The following FRMPD3 variants were observed in gnomAD, a reference collection of about 807,000 sequenced individuals.
FRMPD3 encodes FERM and PDZ domain containing 3.
FRMPD3 carries 42 observed loss-of-function variants against 97.9 expected under a neutral mutation model. That is an observed-to-expected ratio of 0.43 (90% confidence interval 0.34 to 0.55). The LOEUF (loss-of-function observed/expected upper bound fraction) is 0.55. Ranked by LOEUF, FRMPD3 falls within the 20% of genes least tolerant of loss-of-function variation. The pLI is 0.03. For missense variants in FRMPD3, 1,303 were observed against 1,457.7 expected, an observed-to-expected ratio of 0.89 and a Z score of 1.73; for synonymous variants, 577 against 581.1, an observed-to-expected ratio of 0.99 and a Z score of 0.10.
chrX:107,461,757 TTATACATATACATATACATATACA>T (rs761470965), intron 1 of FRMPD3, among the ~76,000 whole-genome samples: 65 of 92,003 alleles, frequency 7.1e-4, no homozygotes, highest in African/African-American at 2.3e-3. Flanking sequence ...CTGGAATTCA[TTATACATATACATATACATATACA>T]TATACATATA....
At chrX:107,548,556 G>A (rs925180539) in intron 5 of FRMPD3, among the ~76,000 whole-genome samples, 1 of 112,710 alleles carries the variant, frequency 8.9e-6, no homozygotes, top group African/African-American at 3.2e-5. Flanking sequence ...TTAGTGTTGG[G>A]ACTACAAAGA....
chrX:107,579,644 C>T (rs947227981), intron 13 of FRMPD3, among the ~76,000 whole-genome samples: 3 of 111,350 alleles, frequency 2.7e-5, no homozygotes, highest in Non-Finnish European at 5.7e-5. Flanking sequence ...GTTTGAGGGC[C>T]CAGAAAGGCT....
intron 1 of FRMPD3, among the ~76,000 whole-genome samples, chrX:107,470,082 T>C (rs1337905967): frequency 8.9e-6 from 1 of 112,441 alleles, no homozygotes; most frequent in East Asian, 2.8e-4. Context: ...GGTCTCCTCT[T>C]ATCTGGCAGT....
rs1424412466 is a variant in FRMPD3 at position 107,557,795 on chromosome X, GTCTATATATA to G, written c.763-2460_763-2451del. Reference sequence around the variant, plus strand: ...TTTGTACTTTTGTTAAAAATCTGTTGTCTATATATATATATATATATATATATATATATAT... The same window carrying G: ...TTTGTACTTTTGTTAAAAATCTGTTGTATATATATATATATATATATATAT... On this transcript the variant is annotated intron_variant, in intron 8 of 14. Transcript: ENST00000683843. Among the ~76,000 whole-genome samples the G allele has an allele frequency of 1.2e-3, 32 of 26,606 alleles. 1 individual carries two copies. Among genetic ancestry groups the G allele is most frequent in the African/African-American group, 3.6e-3 (29 of 8,095 alleles). The allele number at this position is 26,606 out of a possible 115,157, so 23.1% of individuals were successfully genotyped here.
intron 1 of FRMPD3, among the ~76,000 whole-genome samples, chrX:107,473,157 C>G (rs1569409946): frequency 1.8e-5 from 2 of 112,407 alleles, no homozygotes; most frequent in Non-Finnish European, 3.8e-5. Flanking sequence ...GTGACTTGCT[C>G]AGGGGCACAT....
At chrX:107,534,277 C>T (rs1016932934) in intron 4 of FRMPD3, among the ~76,000 whole-genome samples, 1 of 111,707 alleles carries the variant, frequency 9.0e-6, no homozygotes, top group African/African-American at 3.3e-5. Context: ...AATGCACAAA[C>T]CCAGGTGCAC....
rs1306511989 is a variant in FRMPD3 at position 107,601,867 on chromosome X, C to T, written c.3828C>T (p.Cys1276=). 27 of 1,207,476 alleles carry T rather than the reference C, an allele frequency of 2.2e-5. No homozygotes were observed. The highest frequency in any genetic ancestry group is 3.0e-5 in the Non-Finnish European group (27 of 894,142). The change falls in exon 15 of 15, where the codon TGC becomes TGT. Residue 1276 remains cysteine, a synonymous_variant. Coordinates refer to ENST00000683843, the MANE Select transcript of FRMPD3 (RefSeq NM_001388459.1). ...EYLQPPAPGR[C]SCQLRSSPVQ... ...TGCAACCTCCAGCACCTGGCCGCTG[C>T]AGCTGCCAGCTCCGCAGCAGCCCTG...
intron 12 of FRMPD3, among the ~76,000 whole-genome samples, chrX:107,574,974 G>A (rs1176339907): frequency 8.9e-6 from 1 of 112,608 alleles, no homozygotes; most frequent in Non-Finnish European, 1.9e-5. Flanking sequence ...GCTGACTTCA[G>A]TCTGACTCAA....
chrX:107,567,366 G>C (rs1207143682), intron 12 of FRMPD3, among the ~76,000 whole-genome samples: 8 of 111,885 alleles, frequency 7.2e-5, no homozygotes, highest in Non-Finnish European at 1.5e-4. Flanking sequence ...CAATGAATGA[G>C]ACCTGTTATT....
At chrX:107,509,267 G>A (rs1480158755) in intron 1 of FRMPD3, among the ~76,000 whole-genome samples, 2 of 112,699 alleles carry the variant, frequency 1.8e-5, no homozygotes, top group African/African-American at 6.5e-5. Flanking sequence ...AATGGGGTAT[G>A]TGAGCTTTAT....
At chrX:107,466,547 A>G (rs1459716891) in intron 1 of FRMPD3, among the ~76,000 whole-genome samples, 1 of 111,902 alleles carries the variant, frequency 8.9e-6, no homozygotes, top group Non-Finnish European at 1.9e-5. Context: ...TCAATTTCCC[A>G]GTCTACTAGT....
chrX:107,597,183 C>A, intron 13 of FRMPD3, 138 bp from the exon 14 acceptor site: 1 of 540,712 alleles, frequency 1.8e-6, no homozygotes, highest in Non-Finnish European at 3.1e-6. Flanking sequence ...TACCTCTAAT[C>A]TTTGGCAGCC....
At chrX:107,559,684 G>A (rs1231216218) in intron 8 of FRMPD3, among the ~76,000 whole-genome samples, 1 of 111,503 alleles carries the variant, frequency 9.0e-6, no homozygotes, top group Non-Finnish European at 1.9e-5. Context: ...CATACCCTTG[G>A]CCAGTAGTTC....
chrX:107,542,684 C>T (rs906870989), intron 4 of FRMPD3, among the ~76,000 whole-genome samples: 20 of 112,538 alleles, frequency 1.8e-4, no homozygotes, highest in African/African-American at 5.5e-4. Context: ...ACGTTTGTTT[C>T]TGATGTGTAT....
At position 107,604,096 on chromosome X, in the gene FRMPD3, C is replaced by G. The variant is rs1044740800; in HGVS notation, c.*723C>G. On this transcript the variant is annotated 3_prime_UTR_variant, in exon 15 of 15. Transcript: ENST00000683843. The stretch of plus-strand genomic sequence containing the variant: ...GGAGCAAGCATCTGGGATCACCCCA[C>G]TCATTTTGGGTAAGGTACCTGATGA... 5 of 109,333 alleles carry G rather than the reference C, an allele frequency of 4.6e-5. No homozygotes were observed. Among genetic ancestry groups the G allele is most frequent in the African/African-American group, 1.7e-4 (5 of 30,006 alleles). The allele number at this position is 109,333 out of a possible 1,213,427, so 9.0% of individuals were successfully genotyped here.
intron 4 of FRMPD3, among the ~76,000 whole-genome samples, chrX:107,544,170 T>G (rs1000340592): frequency 1.8e-5 from 2 of 111,302 alleles, no homozygotes; most frequent in Non-Finnish European, 3.8e-5. Context: ...TGATCTCACT[T>G]ACATGCGGAA....
chrX:107,587,706 T>C lies in FRMPD3; in HGVS notation c.1442-9615T>C, dbSNP rs780906166. Among the ~76,000 whole-genome samples, 5 of 112,214 alleles carry C rather than the reference T, an allele frequency of 4.5e-5. No individual in the cohort carries two copies. The Admixed American group carries it at 4.8e-4, about 11-fold the overall frequency. ...AAGTATTTTATTTCTCCTTCACTTG[T>C]GAAGCTTAGTTTGTCTGGATATGAA... is the stretch of plus-strand genomic sequence containing the variant. On this transcript the variant is annotated intron_variant, in intron 13 of 14. Transcript: ENST00000683843.
At chrX:107,541,303 C>T (rs867179016) in intron 4 of FRMPD3, among the ~76,000 whole-genome samples, 1 of 112,518 alleles carries the variant, frequency 8.9e-6, no homozygotes, top group Non-Finnish European at 1.9e-5. Flanking sequence ...AGAGGCTCCT[C>T]ATATCACACT....
chrX:107,600,599 C>G lies in FRMPD3; in HGVS notation c.2560C>G (p.Pro854Ala), dbSNP rs185843306. 1,492 of 1,208,535 alleles carry G rather than the reference C, an allele frequency of 1.2e-3. 4 individuals are homozygous for G. Among genetic ancestry groups the G allele is most frequent in the Middle Eastern group, 6.2e-3 (27 of 4,354 alleles). Residue 854 changes from proline (P) to alanine (A), a missense_variant, in exon 15 of 15, where the codon CCT becomes GCT. By Grantham distance (27) the Pro-to-Ala change is conservative. Around this residue, in one of 3 missense-constraint regions of FRMPD3, gnomAD observed 764 missense variants for 820.2 expected, o/e 0.93. Coordinates refer to ENST00000683843, the MANE Select transcript of FRMPD3 (RefSeq NM_001388459.1). ...PIATGQSPGP[P>A]GARRKLPQSE... The stretch of plus-strand genomic sequence containing the variant: ...TGCCACAGGCCAGAGTCCTGGCCCC[C>G]CTGGCGCTCGGAGGAAGCTGCCCCA...
Sources: gnomAD v4.1 joint callset for allele counts (sites outside exome capture counted in the v4.1 genomes callset) on GRCh38, gnomAD v4.1.1 for gene constraint, gnomAD v4.1.1 regional missense constraint, MANE v1.5 for transcripts, NCBI Gene and HGNC (gene_info 2026-07-23, HGNC 2026-07-21) for gene names.